The following CCDC7 variants were observed in gnomAD, a reference collection of about 807,000 sequenced individuals.
The protein encoded by CCDC7 is coiled-coil domain containing 7, also known as coiled-coil domain-containing protein 7.
CCDC7 carries 183 observed loss-of-function variants against 196.9 expected under a neutral mutation model. That is an observed-to-expected ratio of 0.93 (90% CI 0.82 to 1.05). CCDC7 has a LOEUF of 1.05. Among genes scored for constraint, CCDC7 ranks in the 50% least tolerant of loss-of-function variants. The pLI is 0.00. For missense variants in CCDC7, 1,540 were observed against 1,482.2 expected, an observed-to-expected ratio of 1.04 and a Z score of -0.64; for synonymous variants, 525 against 484.6, an observed-to-expected ratio of 1.08 and a Z score of -1.10.
At chr10:32,685,943 T>C (rs1201999354) in intron 21 of CCDC7, 27 bp from the exon 23 acceptor site, 7 of 1,061,332 alleles carry the variant, frequency 6.6e-6, no homozygotes, top group Non-Finnish European at 9.2e-6. Context: ...TTCTATTTAG[T>C]GGAATAAATG....
At chr10:32,665,520 T>C (rs1436669617) in intron 21 of CCDC7, among the ~76,000 whole-genome samples, 1 of 152,102 alleles carries the variant, frequency 6.6e-6, no homozygotes, top group East Asian at 1.9e-4. Context: ...TTTATTCTTC[T>C]GCATGTGGAT....
chr10:32,850,818 C>CAG (rs1315156288), intron 39 of CCDC7, among the ~76,000 whole-genome samples: 3 of 124,480 alleles, frequency 2.4e-5, no homozygotes, highest in African/African-American at 8.1e-5. Flanking sequence ...CACACACACA[C>CAG]AGAGACATGC....
intron 11 of CCDC7, among the ~76,000 whole-genome samples, chr10:32,525,059 G>GT (rs1216782217): frequency 7.3e-4 from 107 of 147,116 alleles, no homozygotes; most frequent in African/African-American, 1.8e-3. Context: ...TTCATTGTGT[G>GT]TTTTTTTTTT....
intron 18 of CCDC7, among the ~76,000 whole-genome samples, chr10:32,620,541 G>T (rs1317297020): frequency 1.3e-5 from 2 of 150,790 alleles, no homozygotes; most frequent in Non-Finnish European, 2.9e-5. Flanking sequence ...CGTAATTCTG[G>T]TACTTGATTG....
intron 28 of CCDC7, among the ~76,000 whole-genome samples, chr10:32,766,453 A>G (rs896484858): frequency 3.9e-5 from 6 of 152,048 alleles, no homozygotes; most frequent in African/African-American, 4.8e-5. Flanking sequence ...TACAGATCCA[A>G]TGGTGCTGGA....
At chr10:32,872,544 G>A (rs2094466126) in intron 41 of CCDC7, among the ~76,000 whole-genome samples, 1 of 151,940 alleles carries the variant, frequency 6.6e-6, no homozygotes, top group Non-Finnish European at 1.5e-5. Context: ...TTACATTTAA[G>A]GTTAATATTG....
intron 31 of CCDC7, among the ~76,000 whole-genome samples, chr10:32,820,660 T>C (rs368078784): frequency 1.3e-5 from 2 of 152,034 alleles, no homozygotes; most frequent in Non-Finnish European, 2.9e-5. Flanking sequence ...GAAATAATGC[T>C]GCATATCTAC....
chr10:32,566,865 G>A (rs536314265), intron 14 of CCDC7, among the ~76,000 whole-genome samples: 17 of 141,786 alleles, frequency 1.2e-4, no homozygotes, highest in East Asian at 9.9e-4. Context: ...AAAAAACCCC[G>A]CAGATATATA....
intron 8 of CCDC7, among the ~76,000 whole-genome samples, chr10:32,475,145 C>T (rs1403205233): frequency 6.6e-6 from 1 of 152,142 alleles, no homozygotes; most frequent in African/African-American, 2.4e-5. Context: ...CTTTTTCTCT[C>T]TCTCAATCTG....
At chr10:32,554,046 C>T (rs1034873709) in intron 13 of CCDC7, among the ~76,000 whole-genome samples, 4 of 152,026 alleles carry the variant, frequency 2.6e-5, no homozygotes, top group Non-Finnish European at 5.9e-5. Context: ...AGTTGTGTAC[C>T]TAGGAGGGTT....
chr10:32,655,549 C>G (rs2069650946), intron 20 of CCDC7, among the ~76,000 whole-genome samples: 1 of 151,928 alleles, frequency 6.6e-6, no homozygotes, highest in South Asian at 2.1e-4. Context: ...TTTTGAGAGA[C>G]AGAGTCTTGC....
chr10:32,785,550 GA>G (rs1257078034), intron 29 of CCDC7, among the ~76,000 whole-genome samples: 1 of 151,696 alleles, frequency 6.6e-6, no homozygotes, highest in African/African-American at 2.4e-5. Context: ...CAAGAAGGTA[GA>G]AAAAGAAGAT....
chr10:32,468,051 T>A (rs2037206936), intron 5 of CCDC7, among the ~76,000 whole-genome samples: 1 of 152,318 alleles, frequency 6.6e-6, no homozygotes, highest in South Asian at 2.1e-4. Context: ...TTGCTTTGGA[T>A]TGCTTTGGCT....
intron 18 of CCDC7, among the ~76,000 whole-genome samples, chr10:32,600,279 T>G (rs1281038201): frequency 6.7e-6 from 1 of 150,074 alleles, no homozygotes; most frequent in East Asian, 2.0e-4. Flanking sequence ...CTCTTTTACC[T>G]CATTTGTTGC....
chr10:32,781,554 C>A (rs2081062803), intron 29 of CCDC7, among the ~76,000 whole-genome samples: 1 of 151,924 alleles, frequency 6.6e-6, no homozygotes, highest in Admixed American at 6.6e-5. Flanking sequence ...AACAAAAAAC[C>A]CCACTGGATC....
intron 24 of CCDC7, among the ~76,000 whole-genome samples, chr10:32,708,723 C>G (rs1356110636): frequency 6.6e-6 from 1 of 152,188 alleles, no homozygotes; most frequent in Non-Finnish European, 1.5e-5. Flanking sequence ...TGAAAAAATG[C>G]TCATCATCAC....
intron 30 of CCDC7, among the ~76,000 whole-genome samples, chr10:32,806,591 T>G (rs2085912813): frequency 6.6e-6 from 1 of 151,984 alleles, no homozygotes; most frequent in South Asian, 2.1e-4. Flanking sequence ...TGTTAAAAAG[T>G]ACAAAAATTG....
At chr10:32,762,013 G>A (rs1393089508) in intron 28 of CCDC7, among the ~76,000 whole-genome samples, 1 of 151,902 alleles carries the variant, frequency 6.6e-6, no homozygotes, top group Non-Finnish European at 1.5e-5. Flanking sequence ...CTACACATTG[G>A]GAAACTGAAA....
chr10:32,801,126 C>T (rs2084701344), intron 29 of CCDC7, among the ~76,000 whole-genome samples: 1 of 152,250 alleles, frequency 6.6e-6, no homozygotes, highest in Admixed American at 6.5e-5. Context: ...ACTGTAAGAT[C>T]GGCATACAGA....
Sources: allele counts gnomAD v4.1 joint callset (sites outside exome capture counted in the v4.1 genomes callset), GRCh38; gene constraint gnomAD v4.1.1; transcripts MANE v1.5; gene names NCBI Gene and HGNC (gene_info 2026-07-23, HGNC 2026-07-21).